Variants in RBFOX1 observed in about 807,000 individuals in gnomAD.
RBFOX1 encodes RNA binding protein fox-1 homolog 1.
A neutral mutation model predicts 57.7 loss-of-function variants in RBFOX1; 8 were observed. The observed-to-expected ratio is 0.14, with a 90% confidence interval of 0.08 to 0.25. The LOEUF (loss-of-function observed/expected upper bound fraction) is 0.25. RBFOX1 is among the 10% of genes least tolerant of loss of function. The pLI is 1.00. For synonymous variants in RBFOX1, 326 were observed against 222.4 expected (o/e 1.47, Z -4.15); for missense variants, 611 against 548.5 (o/e 1.11, Z -1.14).
chr16:7,395,201 G>A (rs1387508987), intron 4 of RBFOX1, among the ~76,000 whole-genome samples: 2 of 148,428 alleles, frequency 1.3e-5, no homozygotes, highest in South Asian at 2.1e-4. Context: ...CCTAACTCTT[G>A]CCTGATCTAT....
chr16:5,654,898 G>A (rs943928864), intron 3 of RBFOX1, among the ~76,000 whole-genome samples: 1 of 152,078 alleles, frequency 6.6e-6, no homozygotes, highest in African/African-American at 2.4e-5. Flanking sequence ...TGAAAGGGAT[G>A]AAATGCTCTC....
At chr16:5,508,985 C>G (rs1458074125) in intron 2 of RBFOX1, among the ~76,000 whole-genome samples, 1 of 152,188 alleles carries the variant, frequency 6.6e-6, no homozygotes, top group Non-Finnish European at 1.5e-5. Flanking sequence ...ACTTAAACTC[C>G]AGGGTCCTAT....
chr16:6,050,245 C>G (rs1054534509), intron 1 of RBFOX1, among the ~76,000 whole-genome samples: 1 of 152,154 alleles, frequency 6.6e-6, no homozygotes, highest in Non-Finnish European at 1.5e-5. Context: ...CAGCTGTGAG[C>G]CACCGTACCC....
In RBFOX1 at chr16:7,012,673, T is replaced by G. The variant is rs146266167; in HGVS notation, c.-15-39384T>G. Among the ~76,000 whole-genome samples, 276 of 152,340 alleles carry G rather than the reference T, an allele frequency of 1.8e-3. 2 individuals are homozygous for G. The highest frequency in any genetic ancestry group is 6.4e-3 in the African/African-American group (265 of 41,572). On this transcript the variant is annotated intron_variant, in intron 3 of 15. Coordinates refer to ENST00000550418, the MANE Select transcript of RBFOX1 (RefSeq NM_018723.4). ...TTTCTTTATTATGGGACAATTAATT[T>G]TAAGCTGACTTTATCAGCAAAGGGA...
chr16:7,004,861 G>A (rs1344724874), intron 3 of RBFOX1, among the ~76,000 whole-genome samples: 1 of 152,100 alleles, frequency 6.6e-6, no homozygotes, highest in South Asian at 2.1e-4. Flanking sequence ...GAATCCTTGA[G>A]CAAAGAGGCC....
chr16:6,623,812 T>C (rs2098268453), intron 2 of RBFOX1, among the ~76,000 whole-genome samples: 1 of 152,232 alleles, frequency 6.6e-6, no homozygotes, highest in Non-Finnish European at 1.5e-5. Context: ...CTATGGTGTA[T>C]ATGTGCCACA....
chr16:5,869,351 A>G (rs1310343028), intron 4 of RBFOX1, among the ~76,000 whole-genome samples: 1 of 152,152 alleles, frequency 6.6e-6, no homozygotes. Context: ...GCAGTTTAAA[A>G]CAATCATCCA....
chr16:5,860,351 A>G (rs2057181559), intron 3 of RBFOX1, among the ~76,000 whole-genome samples: 1 of 152,202 alleles, frequency 6.6e-6, no homozygotes, highest in Admixed American at 6.5e-5. Context: ...CTGGGATTAC[A>G]GACGTGAGCC....
chr16:7,248,181 G>T (rs964426192), intron 4 of RBFOX1, among the ~76,000 whole-genome samples: 14 of 152,312 alleles, frequency 9.2e-5, no homozygotes, highest in African/African-American at 3.4e-4. Context: ...ATCAGTTAGG[G>T]ATATTACCAG....
intron 2 of RBFOX1, among the ~76,000 whole-genome samples, chr16:5,544,951 CTTTT>C (rs59873374): frequency 8.0e-6 from 1 of 124,362 alleles, no homozygotes; most frequent in African/African-American, 3.5e-5. Context: ...CTATTACATT[CTTTT>C]TTTTTTTTTT....
intron 3 of RBFOX1, among the ~76,000 whole-genome samples, chr16:5,614,324 G>A (rs561621234): frequency 1.3e-5 from 2 of 152,284 alleles, no homozygotes; most frequent in South Asian, 4.2e-4. Flanking sequence ...ACGCAGGAGG[G>A]CTCTGGGCCA....
chr16:7,525,813 A>G (rs1355417177), intron 5 of RBFOX1, among the ~76,000 whole-genome samples: 1 of 152,114 alleles, frequency 6.6e-6, no homozygotes, highest in East Asian at 1.9e-4. Flanking sequence ...TTAGAATCCC[A>G]CCAATAAAGG....
At chr16:6,829,086 G>T (rs2092475965) in intron 3 of RBFOX1, among the ~76,000 whole-genome samples, 1 of 152,104 alleles carries the variant, frequency 6.6e-6, no homozygotes. Context: ...ACCAGCATTT[G>T]GGGACCTCCC....
intron 3 of RBFOX1, among the ~76,000 whole-genome samples, chr16:6,687,755 T>A (rs545325908): frequency 1.7e-4 from 26 of 152,300 alleles, no homozygotes; most frequent in Admixed American, 1.4e-3. Context: ...TACTCTGTTA[T>A]AGGTCAGCCC....
intron 1 of RBFOX1, among the ~76,000 whole-genome samples, chr16:6,209,118 G>C (rs1343913417): frequency 6.6e-6 from 1 of 152,208 alleles, no homozygotes; most frequent in Non-Finnish European, 1.5e-5. Flanking sequence ...GGACAAACCT[G>C]TGACAGGAGA....
chr16:7,697,453 A>G (rs1415150397), intron 14 of RBFOX1, among the ~76,000 whole-genome samples: 2 of 152,138 alleles, frequency 1.3e-5, no homozygotes, highest in African/African-American at 4.8e-5. Flanking sequence ...GAACTCTCCA[A>G]GGTGTAATAG....
chr16:5,493,295 C>G (rs1427840106), intron 2 of RBFOX1, among the ~76,000 whole-genome samples: 2 of 152,114 alleles, frequency 1.3e-5, no homozygotes, highest in African/African-American at 4.8e-5. Context: ...TGGTTTTGAA[C>G]TCCTGGCCTC....
chr16:7,634,058 T>A (rs1297189670), intron 11 of RBFOX1, among the ~76,000 whole-genome samples: 1 of 152,170 alleles, frequency 6.6e-6, no homozygotes, highest in African/African-American at 2.4e-5. Flanking sequence ...CTCCCAACAG[T>A]TTCGATTTGC....
chr16:7,442,141 G>T (rs1301148426), intron 4 of RBFOX1, among the ~76,000 whole-genome samples: 1 of 152,122 alleles, frequency 6.6e-6, no homozygotes, highest in African/African-American at 2.4e-5. Context: ...GGCTGAACAT[G>T]ATGCATGAAC....
Sources: gnomAD v4.1 joint callset for allele counts (sites outside exome capture counted in the v4.1 genomes callset) on GRCh38, gnomAD v4.1.1 for gene constraint, MANE v1.5 for transcripts, NCBI Gene and HGNC (gene_info 2026-07-23, HGNC 2026-07-21) for gene names.